Variants in DISC1 observed in about 807,000 individuals in gnomAD.
The protein encoded by DISC1 is disrupted in schizophrenia 1 protein.
A neutral mutation model predicts 84.5 loss-of-function variants in DISC1; 57 were observed. The observed-to-expected ratio is 0.67, with a 90% CI of 0.55 to 0.84. DISC1 has a LOEUF of 0.84. Ranked by LOEUF, DISC1 falls within the 40% of genes least tolerant of loss-of-function variation. The pLI, the probability that DISC1 is intolerant of heterozygous loss-of-function variation, is 0.00. For synonymous variants in DISC1, 411 were observed against 415.2 expected (o/e 0.99, Z 0.12); for missense variants, 1,000 against 1,057.8 (o/e 0.95, Z 0.76).
At chr1:231,987,685 G>C (rs1045029530) in intron 10 of DISC1, among the ~76,000 whole-genome samples, 1 of 152,184 alleles carries the variant, frequency 6.6e-6, no homozygotes, top group Non-Finnish European at 1.5e-5. Flanking sequence ...GGAAGGCCAT[G>C]GACTAAAGCA....
intron 2 of DISC1, among the ~76,000 whole-genome samples, chr1:231,699,824 C>T (rs936808913): frequency 1.8e-4 from 27 of 152,316 alleles, no homozygotes; most frequent in African/African-American, 6.3e-4. Flanking sequence ...TGACACAGTC[C>T]TCATTACCTG....
In DISC1 at chr1:231,694,459, A is replaced by C; in HGVS notation, c.701A>C (p.Glu234Ala). The stretch of plus-strand genomic sequence containing the variant: ...GCAGAAGGCTGCCCACCATCCAGAG[A>C]GGCTGAGTCCCATTGCCAGAGCCCC... ...GEAEGCPPSR[E>A]AESHCQSPQE... The change falls in exon 2 of 13, where the codon GAG becomes GCG. Residue 234 changes from glutamate (E) to alanine (A), a missense_variant. Physicochemically the swap from Glu to Ala is moderately radical, Grantham distance 107 (BLOSUM62 -1). Transcript: ENST00000439617. 1 of 1,614,232 alleles carries C rather than the reference A, an allele frequency of 6.2e-7. No homozygotes were observed. The highest frequency in any genetic ancestry group is 1.1e-5 in the South Asian group (1 of 91,082).
chr1:231,972,755 G>C (rs527300849), intron 10 of DISC1, among the ~76,000 whole-genome samples: 1 of 152,326 alleles, frequency 6.6e-6, no homozygotes, highest in East Asian at 1.9e-4. Context: ...AATGGCAGTT[G>C]ATGTCTTAGC....
rs561923745 is a variant in DISC1 at position 231,970,753 on chromosome 1, C to T, written c.2042+11865C>T. On this transcript the variant is annotated intron_variant, in intron 10 of 12. Transcript: ENST00000439617. ...TTCCACTGTGGTTTGCGCAATTCAACCCAAAGTTTCTCTGCTGTAAAGCAA... is the reference window on the plus strand; with the variant it reads ...TTCCACTGTGGTTTGCGCAATTCAATCCAAAGTTTCTCTGCTGTAAAGCAA... Among the ~76,000 whole-genome samples, 7 of 152,244 alleles carry T rather than the reference C, an allele frequency of 4.6e-5. No homozygotes were observed. The East Asian group carries it at 1.4e-3, about 29-fold the overall frequency.
chr1:231,736,462 C>G (rs147456919), intron 3 of DISC1, among the ~76,000 whole-genome samples: 2 of 152,310 alleles, frequency 1.3e-5, no homozygotes, highest in Non-Finnish European at 2.9e-5. Context: ...TCTTACTCTG[C>G]AAAGTGTTGT....
At chr1:231,812,217 G>A (rs953720370) in intron 8 of DISC1, among the ~76,000 whole-genome samples, 1 of 151,992 alleles carries the variant, frequency 6.6e-6, no homozygotes, top group African/African-American at 2.4e-5. Flanking sequence ...CACCATGCCT[G>A]GCTAATTTTT....
intron 9 of DISC1, among the ~76,000 whole-genome samples, chr1:231,915,195 A>G (rs1274585024): frequency 2.6e-5 from 4 of 152,050 alleles, no homozygotes. Context: ...TTTCTCTCAT[A>G]TGAAAGCACA....
chr1:231,765,473 T>C (rs2076104297), intron 4 of DISC1, among the ~76,000 whole-genome samples: 1 of 152,224 alleles, frequency 6.6e-6, no homozygotes, highest in East Asian at 1.9e-4. Flanking sequence ...TATCCCTTTT[T>C]CTGCCATATG....
intron 9 of DISC1, among the ~76,000 whole-genome samples, chr1:231,845,841 G>A (rs2125881122): frequency 6.6e-6 from 1 of 152,246 alleles, no homozygotes; most frequent in East Asian, 1.9e-4. Flanking sequence ...TGGGAGCTTG[G>A]TGGCTCAGTT....
rs113152539 is a variant in DISC1, at chr1:231,722,700, G to T, written c.1117+20676G>T. The T allele has an allele frequency of 2.0e-4, 311 of 1,583,476 alleles. 1 individual carries two copies. The East Asian group carries it at 6.1e-3, about 31-fold the overall frequency. ...TCATGAAAAGAAAAAGAGGACCCAC[G>T]TGGAAGAATACGCTCATTTATGATC... On this transcript the variant is annotated intron_variant, in intron 3 of 12. Coordinates refer to ENST00000439617, the MANE Select transcript of DISC1 (RefSeq NM_018662.3).
chr1:231,918,258 C>G (rs372992224), intron 9 of DISC1, among the ~76,000 whole-genome samples: 46 of 152,286 alleles, frequency 3.0e-4, no homozygotes, highest in Middle Eastern at 3.4e-3. Flanking sequence ...CTTTTTCCTA[C>G]TTTAATTTGT....
At chr1:231,668,605 T>C (rs2062253068) in intron 1 of DISC1, among the ~76,000 whole-genome samples, 1 of 152,150 alleles carries the variant, frequency 6.6e-6, no homozygotes, top group African/African-American at 2.4e-5. Flanking sequence ...CTTCTCTAAC[T>C]CTCATTTCCC....
At position 231,777,516 on chromosome 1, in the gene DISC1, A is replaced by AC. The variant is rs773348052; in HGVS notation, c.1634+6447dup. 1.6e-3 allele frequency among the ~76,000 whole-genome samples: 245 copies of AC among 151,852 alleles called. 1 individual carries two copies. The highest frequency in any genetic ancestry group is 9.8e-4 in the Admixed American group (15 of 15,262). Reference sequence around the variant, plus strand: ...GATTACAGGGTTTTCTTTTCCCCCTACTCCCCTTTTTAAGTAAAGTAGACA... The same window carrying AC: ...GATTACAGGGTTTTCTTTTCCCCCTACCTCCCCTTTTTAAGTAAAGTAGACA... On this transcript the variant is annotated intron_variant, in intron 6 of 12. Coordinates refer to ENST00000439617, the MANE Select transcript of DISC1 (RefSeq NM_018662.3).
At chr1:231,931,167 G>A (rs2090633019) in intron 9 of DISC1, among the ~76,000 whole-genome samples, 1 of 152,116 alleles carries the variant, frequency 6.6e-6, no homozygotes, top group Non-Finnish European at 1.5e-5. Context: ...GTTGACCAGA[G>A]GGGAGCAGGA....
intron 9 of DISC1, among the ~76,000 whole-genome samples, chr1:231,937,905 A>G (rs560194864): frequency 4.0e-5 from 6 of 151,816 alleles, no homozygotes; most frequent in Non-Finnish European, 7.4e-5. Context: ...CTTTCTTGGC[A>G]GCATCTGATC....
rs117656217 is a variant in DISC1 at position 231,664,811 on chromosome 1, G to A, written c.68-29015G>A. Among the ~76,000 whole-genome samples, 794 of 151,794 alleles carry A rather than the reference G, an allele frequency of 5.2e-3. 7 individuals carry two copies. Among genetic ancestry groups the A allele is most frequent in the East Asian group, 0.036 (185 of 5,148 alleles). On this transcript the variant is annotated intron_variant, in intron 1 of 12. Transcript: ENST00000439617. ...TTGAACTGTGAGTCCACTTCTACAT[G>A]AATTTTTTTTTTAGTAAATATATTA... is the stretch of plus-strand genomic sequence containing the variant.
intron 9 of DISC1, among the ~76,000 whole-genome samples, chr1:231,850,709 G>A (rs1003250040): frequency 6.6e-6 from 1 of 152,220 alleles, no homozygotes; most frequent in African/African-American, 2.4e-5. Context: ...CTTGTATGAA[G>A]CAGCAAAATA....
At chr1:231,816,852 G>A (rs2081041148) in intron 8 of DISC1, among the ~76,000 whole-genome samples, 1 of 151,928 alleles carries the variant, frequency 6.6e-6, no homozygotes, top group South Asian at 2.1e-4. Context: ...GATTGCTTTG[G>A]TCATCCTCCT....
In DISC1 at chr1:231,997,440, G is replaced by A. The variant is rs2794271; in HGVS notation, c.2043-11345G>A. 4.6e-3 allele frequency among the ~76,000 whole-genome samples: 697 copies of A among 152,284 alleles called. 4 individuals carry two copies. Among genetic ancestry groups the A allele is most frequent in the Middle Eastern group, 6.8e-3 (2 of 294 alleles). On this transcript the variant is annotated intron_variant, in intron 10 of 12. Coordinates refer to ENST00000439617, the MANE Select transcript of DISC1 (RefSeq NM_018662.3). ...CAGAGAACTCCTCAGGTAACTGAAGGTGATTTGGCCCACGTGTGGGGAGAA... is the reference window on the plus strand; with the variant it reads ...CAGAGAACTCCTCAGGTAACTGAAGATGATTTGGCCCACGTGTGGGGAGAA...
Sources: gnomAD v4.1 joint callset for allele counts (sites outside exome capture counted in the v4.1 genomes callset) on GRCh38, gnomAD v4.1.1 for gene constraint, MANE v1.5 for transcripts, NCBI Gene and HGNC (gene_info 2026-07-23, HGNC 2026-07-21) for gene names.